TBC1D5: variants seen among roughly 807,000 people sequenced by gnomAD.
The protein encoded by TBC1D5 is TBC1 domain family member 5.
TBC1D5 carries 75 observed loss-of-function variants against 100.3 expected under a neutral mutation model. The ratio of observed to expected loss-of-function variants is 0.75; its 90% CI spans 0.62 to 0.91. TBC1D5 has a LOEUF of 0.91. Ranked by LOEUF, TBC1D5 falls within the 40% of genes least tolerant of loss-of-function variation. TBC1D5 has a pLI of 0.00. For missense variants in TBC1D5, 910 were observed against 942.4 expected, an observed-to-expected ratio of 0.97 and a Z score of 0.45; for synonymous variants, 323 against 325.6, an observed-to-expected ratio of 0.99 and a Z score of 0.09.
Position 17,612,848 on chromosome 3 carries a change from TAAC to T in TBC1D5, c.-36+10998_-36+11000del, listed in dbSNP as rs529484489. ...AAACAGTTACACTTCTATACACAAG[TAAC>T]AATTAGAATACATAAGGGATGAGAA... On this transcript the variant is annotated intron_variant, in intron 2 of 21. Transcript: ENST00000253692. 1.7e-3 allele frequency among the ~76,000 whole-genome samples: 248 copies of T among 148,162 alleles called. 1 individual carries two copies. Among genetic ancestry groups the T allele is most frequent in the Non-Finnish European group, 2.8e-3 (186 of 67,208 alleles).
intron 2 of TBC1D5, among the ~76,000 whole-genome samples, chr3:17,548,197 C>A (rs1361928030): frequency 6.6e-6 from 1 of 152,094 alleles, no homozygotes; most frequent in Non-Finnish European, 1.5e-5. Context: ...TGCCTGTAGT[C>A]CCAGCTACTC....
At position 17,667,540 on chromosome 3, in the gene TBC1D5, C is replaced by T. The variant is rs1033855832; in HGVS notation, c.-100-43627G>A. Among the ~76,000 whole-genome samples, 5 of 151,920 alleles carry T rather than the reference C, an allele frequency of 3.3e-5. No homozygotes were observed. In the East Asian group the frequency reaches 9.6e-4, roughly 29 times the overall value. ...GCACAATCATGGCTGCAGCCTTGAC[C>T]TCCCAGGCTCAAGTGATCCTCCAAC... On this transcript the variant is annotated intron_variant, in intron 1 of 21. Transcript: ENST00000253692.
chr3:17,697,358 A>C (rs1449343255), intron 1 of TBC1D5, among the ~76,000 whole-genome samples: 1 of 152,212 alleles, frequency 6.6e-6, no homozygotes, highest in African/African-American at 2.4e-5. Flanking sequence ...AGAAAACCCC[A>C]TCGTCTCAGC....
Position 17,738,401 on chromosome 3 carries a change from A to ACT in TBC1D5, c.-101+940_-101+941dup, listed in dbSNP as rs371022003. ...CACACATACACACACACACACACAC[A>ACT]CTCTCTCTCTCTCTCTAATTCTCAA... is the stretch of plus-strand genomic sequence containing the variant. On this transcript the variant is annotated intron_variant, in intron 1 of 21. Transcript: ENST00000253692. Among the ~76,000 whole-genome samples, 357 of 149,490 alleles carry ACT rather than the reference A, an allele frequency of 2.4e-3. 1 individual carries two copies. Among genetic ancestry groups the ACT allele is most frequent in the African/African-American group, 6.0e-3 (245 of 40,716 alleles).
chr3:17,660,440 T>G (rs1164425115), intron 1 of TBC1D5, among the ~76,000 whole-genome samples: 3 of 152,202 alleles, frequency 2.0e-5, no homozygotes, highest in African/African-American at 7.2e-5. Flanking sequence ...TTCCTGCAAG[T>G]AAGTGCTTCA....
At chr3:17,618,511 G>A (rs550805776) in intron 2 of TBC1D5, among the ~76,000 whole-genome samples, 1 of 152,372 alleles carries the variant, frequency 6.6e-6, no homozygotes, top group South Asian at 2.1e-4. Context: ...CACAGAGGTG[G>A]AGTCTATAGA....
At chr3:17,692,962 T>C (rs1176506286) in intron 1 of TBC1D5, among the ~76,000 whole-genome samples, 1 of 152,210 alleles carries the variant, frequency 6.6e-6, no homozygotes, top group African/African-American at 2.4e-5. Flanking sequence ...AGAACCTGCC[T>C]CTACAAAAAA....
In TBC1D5 at chr3:17,732,974, C is replaced by T. The variant is rs184355773; in HGVS notation, c.-101+6369G>A. On this transcript the variant is annotated intron_variant, in intron 1 of 21. Coordinates refer to ENST00000253692, the Ensembl canonical transcript of TBC1D5. ...ACATTAGGGAAACTGATCAGGACCA[C>T]TTCCCATACTGGTAGAAAGCATATA... Among the ~76,000 whole-genome samples the T allele has an allele frequency of 2.8e-3, 420 of 152,254 alleles. 5 individuals are homozygous for T. Among genetic ancestry groups the T allele is most frequent in the East Asian group, 6.2e-3 (32 of 5,186 alleles).
At chr3:17,705,962 G>A (rs1318809901) in intron 1 of TBC1D5, 53 of 1,370,926 alleles carry the variant, frequency 3.9e-5, no homozygotes, top group Middle Eastern at 5.3e-4. Flanking sequence ...CCCGGGCGGC[G>A]CTCCTCAGCA....
chr3:17,209,701 A>T (rs2072706274), intron 18 of TBC1D5, among the ~76,000 whole-genome samples: 1 of 152,114 alleles, frequency 6.6e-6, no homozygotes, highest in South Asian at 2.1e-4. Context: ...CTTTTCCTAC[A>T]CATACTTTGT....
At chr3:17,323,226 A>G (rs2085655250) in intron 13 of TBC1D5, among the ~76,000 whole-genome samples, 2 of 152,206 alleles carry the variant, frequency 1.3e-5, no homozygotes, top group African/African-American at 4.8e-5. Flanking sequence ...AGTTTATCAC[A>G]AACTCTTTTT....
intron 2 of TBC1D5, among the ~76,000 whole-genome samples, chr3:17,509,725 A>G (rs2153232178): frequency 6.6e-6 from 1 of 152,068 alleles, no homozygotes; most frequent in East Asian, 1.9e-4. Context: ...TTTCAGTTGT[A>G]TGACATTTTT....
chr3:17,633,200 G>A (rs1364514308), intron 1 of TBC1D5, among the ~76,000 whole-genome samples: 2 of 152,182 alleles, frequency 1.3e-5, no homozygotes, highest in Admixed American at 1.3e-4. Context: ...ACTTCAGGAG[G>A]CCGAGGCGAG....
At chr3:17,396,048 CTT>C (rs1355138547) in intron 8 of TBC1D5, among the ~76,000 whole-genome samples, 7 of 152,168 alleles carry the variant, frequency 4.6e-5, no homozygotes, top group Middle Eastern at 3.4e-3. Flanking sequence ...TTTCCCCCCT[CTT>C]TAATATTTAA....
chr3:17,361,205 C>T (rs1358839116), intron 13 of TBC1D5, among the ~76,000 whole-genome samples: 7 of 151,726 alleles, frequency 4.6e-5, no homozygotes, highest in Admixed American at 3.3e-4. Context: ...AACAAAAACA[C>T]GAAAGCAAAA....
At chr3:17,461,439 T>C (rs1029142486) in intron 3 of TBC1D5, among the ~76,000 whole-genome samples, 1 of 152,210 alleles carries the variant, frequency 6.6e-6, no homozygotes, top group African/African-American at 2.4e-5. Flanking sequence ...TCTGCAATGC[T>C]TTAAGCTACT....
At chr3:17,345,245 A>T in intron 13 of TBC1D5, among the ~76,000 whole-genome samples, 1 of 152,232 alleles carries the variant, frequency 6.6e-6, no homozygotes, top group Non-Finnish European at 1.5e-5. Flanking sequence ...CAACCCCATC[A>T]ATAAGTGGGC....
rs185014002 is a variant in TBC1D5 at position 17,540,534 on chromosome 3, T to C, written c.-35-31929A>G. Among the ~76,000 whole-genome samples, 22 of 152,294 alleles carry C rather than the reference T, an allele frequency of 1.4e-4. No individual in the cohort carries two copies. The East Asian group carries it at 3.5e-3, about 24-fold the overall frequency. On this transcript the variant is annotated intron_variant, in intron 2 of 21. Transcript: ENST00000253692. ...TTCGGGTTCATCTTCATTTTTTACA[T>C]GTGGCTATCCCGTTTTCCCAGCAGC...
chr3:17,324,521 G>T (rs1405090080), intron 13 of TBC1D5, among the ~76,000 whole-genome samples: 1 of 152,076 alleles, frequency 6.6e-6, no homozygotes, highest in Non-Finnish European at 1.5e-5. Flanking sequence ...GTGGGCATCT[G>T]TAATCCCAGC....
Sources: gnomAD v4.1 joint callset for allele counts (sites outside exome capture counted in the v4.1 genomes callset) on GRCh38, gnomAD v4.1.1 for gene constraint, MANE v1.5 for transcripts, NCBI Gene and HGNC (gene_info 2026-07-23, HGNC 2026-07-21) for gene names.